The following IGSF10 variants were observed in gnomAD, a reference collection of about 807,000 sequenced individuals.
The protein encoded by IGSF10 is immunoglobulin superfamily member 10.
A neutral mutation model predicts 128.2 loss-of-function variants in IGSF10; 126 were observed. The observed-to-expected ratio is 0.98, with a 90% CI of 0.85 to 1.14. The LOEUF is 1.14. Ranked by LOEUF, IGSF10 falls within the 50% of genes most tolerant of loss-of-function variation. IGSF10 has a pLI of 0.00. For missense variants in IGSF10, 3,295 were observed against 3,149.8 expected (o/e 1.05, Z -1.10); for synonymous variants, 1,185 against 1,146.2 (o/e 1.03, Z -0.68).
chr3:151,471,758 C>T, the IGSF10 span, among the ~76,000 whole-genome samples: 5 of 152,170 alleles, frequency 3.3e-5, no homozygotes, highest in African/African-American at 4.8e-5. Flanking sequence ...GAAGCTCATA[C>T]TTGTAGAACT....
the IGSF10 span, among the ~76,000 whole-genome samples, chr3:151,484,063 C>T: frequency 5.9e-5 from 9 of 152,348 alleles, no homozygotes; most frequent in South Asian, 1.7e-3. Context: ...TTGAAATTCT[C>T]ATGCCAGCAC....
At chr3:151,502,658 T>A in the IGSF10 span, among the ~76,000 whole-genome samples, 34 of 151,956 alleles carry the variant, frequency 2.2e-4, no homozygotes, top group Admixed American at 3.9e-4. Flanking sequence ...ATTTTTTCTA[T>A]TACTTTAAAA....
chr3:151,571,984 G>T, the IGSF10 span, among the ~76,000 whole-genome samples: 1 of 152,292 alleles, frequency 6.6e-6, no homozygotes, highest in East Asian at 1.9e-4. Context: ...TAATCATGTG[G>T]TTTTTGTCTT....
chr3:151,475,018 A>C, the IGSF10 span, among the ~76,000 whole-genome samples: 4 of 152,210 alleles, frequency 2.6e-5, no homozygotes, highest in African/African-American at 9.6e-5. Flanking sequence ...CAGAACTCTT[A>C]TTAAGGAGCA....
At chr3:151,521,700 A>T in the IGSF10 span, among the ~76,000 whole-genome samples, 1 of 152,088 alleles carries the variant, frequency 6.6e-6, no homozygotes, top group African/African-American at 2.4e-5. Flanking sequence ...TCTCTGGGAT[A>T]CAGCTAAGGC....
At chr3:151,552,692 A>G in the IGSF10 span, among the ~76,000 whole-genome samples, 15 of 152,280 alleles carry the variant, frequency 9.9e-5, no homozygotes, top group Admixed American at 3.3e-4. Flanking sequence ...TTATCTCCTC[A>G]GGGGGTTAGT....
the IGSF10 span, among the ~76,000 whole-genome samples, chr3:151,588,913 G>C: frequency 1.3e-5 from 2 of 152,084 alleles, no homozygotes; most frequent in Non-Finnish European, 1.5e-5. Context: ...AAAAGTAGGA[G>C]TTTCCTTAAG....
the IGSF10 span, among the ~76,000 whole-genome samples, chr3:151,474,771 T>C: frequency 6.6e-6 from 1 of 152,198 alleles, no homozygotes; most frequent in East Asian, 1.9e-4. Flanking sequence ...CTCACAATCA[T>C]GGCAGAAGGC....
the IGSF10 span, among the ~76,000 whole-genome samples, chr3:151,587,514 A>G: frequency 1.3e-5 from 2 of 151,170 alleles, no homozygotes; most frequent in African/African-American, 4.9e-5. Flanking sequence ...ATTGAATCAG[A>G]TTTTTTTTTC....
chr3:151,504,050 A>T, the IGSF10 span, among the ~76,000 whole-genome samples: 1 of 152,158 alleles, frequency 6.6e-6, no homozygotes, highest in Non-Finnish European at 1.5e-5. Context: ...CTCTGGCTGC[A>T]TGACACCAAA....
the IGSF10 span, among the ~76,000 whole-genome samples, chr3:151,511,421 A>AT: frequency 2.0e-5 from 3 of 152,220 alleles, no homozygotes; most frequent in Admixed American, 6.5e-5. Flanking sequence ...ATGCTGAGAG[A>AT]TTTTGTCACT....
the IGSF10 span, among the ~76,000 whole-genome samples, chr3:151,569,058 C>T: frequency 1.3e-5 from 2 of 152,118 alleles, no homozygotes; most frequent in Non-Finnish European, 2.9e-5. Flanking sequence ...TGCAACAATA[C>T]ATTCTGCCTC....
At chr3:151,580,676 A>T in the IGSF10 span, among the ~76,000 whole-genome samples, 17 of 148,700 alleles carry the variant, frequency 1.1e-4, no homozygotes, top group African/African-American at 3.7e-4. Context: ...TTTTAACGTT[A>T]AAAAAAAAAT....
Position 151,443,585 on chromosome 3 carries a change from A to G in IGSF10, c.5362T>C (p.Ser1788Pro). The G allele has an allele frequency of 1.2e-6, 2 of 1,614,218 alleles. No homozygotes were observed. Among genetic ancestry groups the G allele is most frequent in the Non-Finnish European group, 1.7e-6 (2 of 1,180,050 alleles). ...TWILANQTVVSESSQGSRQAV... is the reference protein window; with the variant it reads ...TWILANQTVVPESSQGSRQAV... ...TGCCTACTTCCCTGGGATGATTCTGAGACAACTGTTTGGTTTGCAAGAATC... is the reference window on the plus strand; with the variant it reads ...TGCCTACTTCCCTGGGATGATTCTGGGACAACTGTTTGGTTTGCAAGAATC... The change falls in exon 7 of 8, where the codon TCA (serine) becomes CCA (proline). Residue 1788 changes from serine (S) to proline (P), a missense_variant. By Grantham distance (74) the Ser-to-Pro change is moderately conservative. Coordinates refer to ENST00000282466, the MANE Select transcript of IGSF10 (RefSeq NM_178822.5).
the IGSF10 span, among the ~76,000 whole-genome samples, chr3:151,499,167 T>C: frequency 6.6e-6 from 1 of 152,154 alleles, no homozygotes; most frequent in Non-Finnish European, 1.5e-5. Flanking sequence ...TCTGAATTAT[T>C]AATCTTGTCG....
At chr3:151,567,850 C>A in the IGSF10 span, among the ~76,000 whole-genome samples, 2 of 152,188 alleles carry the variant, frequency 1.3e-5, no homozygotes, top group African/African-American at 2.4e-5. Context: ...CTGCTTTTCC[C>A]CTGTGCCCCC....
Position 151,448,101 on chromosome 3 carries a change from T to C in IGSF10, c.1880A>G (p.Asn627Ser). 1.2e-6 allele frequency: 2 copies of C among 1,614,194 alleles called. No individual in the cohort carries two copies. The highest frequency in any genetic ancestry group is 1.7e-6 in the Non-Finnish European group (2 of 1,180,030). ...QSSRDKKVLN[N>S]GTLRILQVTP... The stretch of plus-strand genomic sequence containing the variant: ...GACCTGTAATATTCTTAATGTGCCA[T>C]TGTTTAGAACTTTCTTGTCTCTTGA... The change falls in exon 6 of 8, where the codon AAT becomes AGT. Residue 627 changes from asparagine (N) to serine (S), a missense_variant. Physicochemically the swap from Asn to Ser is conservative, Grantham distance 46. Transcript: ENST00000282466.
rs764953377 is a variant in IGSF10 at position 151,458,642 on chromosome 3, G to A, written c.68C>T (p.Thr23Ile). 2.6e-5 allele frequency: 42 copies of A among 1,614,076 alleles called. No individual in the cohort carries two copies. Among genetic ancestry groups the A allele is most frequent in the Admixed American group, 8.3e-5 (5 of 60,004 alleles). The change falls in exon 3 of 8, where the codon ACC (threonine) becomes ATC (isoleucine). Residue 23 changes from threonine to isoleucine, a missense_variant. Coordinates refer to ENST00000282466, the MANE Select transcript of IGSF10 (RefSeq NM_178822.5). ...VSFAVICLVA[T>I]PGGKACPRRC... The stretch of plus-strand genomic sequence containing the variant: ...GCGAGGACAGGCCTTGCCCCCAGGG[G>A]TGGCGACCAGGCAGATCACAGCAAA...
the IGSF10 span, among the ~76,000 whole-genome samples, chr3:151,567,330 A>T: frequency 6.6e-6 from 1 of 152,196 alleles, no homozygotes; most frequent in African/African-American, 2.4e-5. Context: ...ATCCATATGA[A>T]TAAATTGAGA....
Sources: allele counts gnomAD v4.1 joint callset (sites outside exome capture counted in the v4.1 genomes callset), GRCh38; gene constraint gnomAD v4.1.1; transcripts MANE v1.5; gene names NCBI Gene and HGNC (gene_info 2026-07-23, HGNC 2026-07-21).